The following RBBP8NL variants were observed in gnomAD, a reference collection of about 807,000 sequenced individuals.
RBBP8NL encodes the protein RBBP8 N-terminal like.
In RBBP8NL, 59 loss-of-function variants were observed where a neutral mutation model predicts 62.2. The ratio of observed to expected loss-of-function variants is 0.95; its 90% confidence interval spans 0.77 to 1.18. The LOEUF (loss-of-function observed/expected upper bound fraction) is 1.18. Among genes scored for constraint, RBBP8NL ranks in the 50% most tolerant of loss-of-function variants. The probability of loss-of-function intolerance (pLI) is 0.00; values close to 1 mark genes in which losing one functional copy is unlikely to be tolerated. For missense variants in RBBP8NL, 896 were observed against 899.5 expected (o/e 1.00, Z 0.05); for synonymous variants, 412 against 394.1 (o/e 1.05, Z -0.54).
chr20:62,421,769 G>A (rs959551380), intron 1 of RBBP8NL, among the ~76,000 whole-genome samples: 10 of 147,628 alleles, frequency 6.8e-5, no homozygotes, highest in South Asian at 2.2e-4. Flanking sequence ...GCTAGTGTGC[G>A]GGTGTGTGCC....
At position 62,415,782 on chromosome 20, in the gene RBBP8NL, C is replaced by G; in HGVS notation, c.544+6G>C. On this transcript the variant is annotated splice_donor_region_variant and intron_variant, in intron 7 of 13. Transcript: ENST00000252998. The stretch of plus-strand genomic sequence containing the variant: ...GCCTCCCAGCCTCACCCGGTCCCCA[C>G]AGCACCTTCTCCCCGTAGGCCCACG... 6.2e-7 allele frequency: 1 copy of G among 1,611,848 alleles called. No homozygotes were observed. Among genetic ancestry groups the G allele is most frequent in the East Asian group, 2.2e-5 (1 of 44,874 alleles).
At position 62,415,277 on chromosome 20, in the gene RBBP8NL, C is replaced by A. The variant is rs770795292; in HGVS notation, c.638G>T (p.Arg213Leu). The change falls in exon 9 of 14, where the codon CGC becomes CTC. Residue 213 changes from arginine (R) to leucine (L), a missense_variant. Physicochemically the swap from Arg to Leu is moderately radical, Grantham distance 102. Transcript: ENST00000252998. ...GGTCCCGTGCAGCTGGTTGGAGATG[C>A]GCTGGGGGCTCTGTGAGGATGGGTG... is the stretch of plus-strand genomic sequence containing the variant. ...ESRAPDMSPQ[R>L]ISNQLHGTIA... is the part of the protein sequence containing the mutation. 5.1e-6 allele frequency: 8 copies of A among 1,571,204 alleles called. No homozygotes were observed. Among genetic ancestry groups the A allele is most frequent in the Non-Finnish European group, 6.0e-6 (7 of 1,166,134 alleles).
At chr20:62,423,471 C>T (rs1349452242) in intron 1 of RBBP8NL, among the ~76,000 whole-genome samples, 2 of 152,202 alleles carry the variant, frequency 1.3e-5, no homozygotes, top group Non-Finnish European at 2.9e-5. Context: ...CTGAGGAGGG[C>T]CAGGAGGGGG....
chr20:62,410,922 C>A lies in RBBP8NL; in HGVS notation c.1951G>T (p.Asp651Tyr). 1 of 1,613,550 alleles carries A rather than the reference C, an allele frequency of 6.2e-7. No homozygotes were observed. The highest frequency in any genetic ancestry group is 8.5e-7 in the Non-Finnish European group (1 of 1,179,888). ...CTGCTGTTGGGGGAGGGACTGTGGT[C>A]CTCGGCGTCCCTTGGGCTCCCGGGC... Reference protein sequence around the residue: ...EGPGSPRDAEDHSPSPNSSPW... With the variant: ...EGPGSPRDAEYHSPSPNSSPW... The change falls in exon 14 of 14, where the codon GAC (aspartate) becomes TAC (tyrosine). Residue 651 changes from aspartate to tyrosine, a missense_variant. Coordinates refer to ENST00000252998, the MANE Select transcript of RBBP8NL (RefSeq NM_080833.3).
chr20:62,426,971 G>A (rs934997120), intron 1 of RBBP8NL, among the ~76,000 whole-genome samples: 3 of 152,222 alleles, frequency 2.0e-5, no homozygotes, highest in African/African-American at 7.2e-5. Flanking sequence ...GTTGAGCAAG[G>A]CCCGCCTTTG....
At chr20:62,418,617 C>A (rs1988633519) in intron 2 of RBBP8NL, 152 bp from the exon 3 acceptor site, 1 of 792,260 alleles carries the variant, frequency 1.3e-6, no homozygotes, top group East Asian at 2.7e-5. Flanking sequence ...CTGTCTGTGC[C>A]CAGGCACGGG....
intron 5 of RBBP8NL, 40 bp downstream of exon 5, chr20:62,416,720 C>T (rs1297969837): frequency 1.4e-5 from 20 of 1,444,646 alleles, no homozygotes; most frequent in Admixed American, 9.7e-5. Context: ...CGCCTGGCCC[C>T]GTGGGAGAGG....
rs751531537 is a variant in RBBP8NL, at chr20:62,411,015, G to A, written c.1877-19C>T. 4 of 1,531,924 alleles carry A rather than the reference G, an allele frequency of 2.6e-6. No individual in the cohort carries two copies. The highest frequency in any genetic ancestry group is 1.1e-5 in the South Asian group (1 of 89,214). The allele number at this position is 1,531,924 out of a possible 1,614,324, so 94.9% of individuals were successfully genotyped here. A position where few individuals can be genotyped will look rare whatever the true frequency, so the allele number is the denominator to read the frequency against. On this transcript the variant is annotated intron_variant, in intron 13 of 13. Transcript: ENST00000252998. ...TTGGAGGCTATGGGAAGTGGCCGGA[G>A]GTCAGGCCGGAGCTGTGTGCCTTCC...
At chr20:62,412,561 G>C (rs1273462425) in intron 13 of RBBP8NL, 63 bp downstream of exon 13, 9 of 1,572,014 alleles carry the variant, frequency 5.7e-6, no homozygotes, top group Non-Finnish European at 7.7e-6. Context: ...GTGGCACTGG[G>C]GAGAGGTGGG....
rs151053015 is a variant in RBBP8NL at position 62,410,929 on chromosome 20, G to A, written c.1944C>T (p.Asp648=). 1.5e-5 allele frequency: 25 copies of A among 1,613,498 alleles called. No homozygotes were observed. Among genetic ancestry groups the A allele is most frequent in the South Asian group, 7.7e-5 (7 of 91,090 alleles). The part of the protein sequence containing the change: ...TATEGPGSPR[D]AEDHSPSPNS... ...TGGGGGAGGGACTGTGGTCCTCGGC[G>A]TCCCTTGGGCTCCCGGGCCCCTCAG... Residue 648 remains aspartate (D), a synonymous_variant, in exon 14 of 14, where the codon GAC becomes GAT. Transcript: ENST00000252998.
intron 13 of RBBP8NL, 27 bp from the exon 14 acceptor site, chr20:62,411,023 C>G: frequency 6.7e-7 from 1 of 1,494,184 alleles, no homozygotes; most frequent in Middle Eastern, 1.7e-4. Flanking sequence ...GAGGTCAGGC[C>G]GGAGCTGTGT....
At chr20:62,421,986 C>T (rs1438193150) in intron 1 of RBBP8NL, among the ~76,000 whole-genome samples, 1 of 152,204 alleles carries the variant, frequency 6.6e-6, no homozygotes, top group African/African-American at 2.4e-5. Context: ...ACTGTGTCGG[C>T]CTCCTCCCTG....
intron 5 of RBBP8NL, 81 bp from the exon 6 acceptor site, chr20:62,416,317 A>T (rs1988565616): frequency 7.7e-7 from 1 of 1,293,598 alleles, no homozygotes. Flanking sequence ...GCACCAGGGA[A>T]GCCCCTCAGC....
chr20:62,416,916 G>A (rs1470558076), intron 4 of RBBP8NL, 44 bp from the exon 5 acceptor site: 9 of 1,404,540 alleles, frequency 6.4e-6, no homozygotes, highest in Non-Finnish European at 8.8e-6. Context: ...TGGCACGGAA[G>A]CCACAGAGGG....
At chr20:62,421,837 G>A (rs1429007566) in intron 1 of RBBP8NL, among the ~76,000 whole-genome samples, 1 of 151,496 alleles carries the variant, frequency 6.6e-6, no homozygotes, top group Non-Finnish European at 1.5e-5. Context: ...GCACACCCGA[G>A]CCAGTGTGCA....
At chr20:62,416,668 T>A (rs1479124761) in intron 5 of RBBP8NL, 92 bp downstream of exon 5, 10 of 834,532 alleles carry the variant, frequency 1.2e-5, no homozygotes, top group Non-Finnish European at 1.8e-5. Context: ...TCGTCCTGCC[T>A]CCTTTCCCCA....
chr20:62,425,025 G>A (rs1300080511), intron 1 of RBBP8NL, among the ~76,000 whole-genome samples: 2 of 152,178 alleles, frequency 1.3e-5, no homozygotes, highest in African/African-American at 2.4e-5. Context: ...ACCCATCTCT[G>A]CTCTCTATGC....
intron 8 of RBBP8NL, 41 bp from the exon 9 acceptor site, chr20:62,415,328 G>C: frequency 1.3e-6 from 2 of 1,533,914 alleles, no homozygotes; most frequent in Non-Finnish European, 1.7e-6. Context: ...GGGCATGCGT[G>C]GCCTCTGCTG....
chr20:62,426,356 C>A (rs1309060281), intron 1 of RBBP8NL, among the ~76,000 whole-genome samples: 2 of 152,260 alleles, frequency 1.3e-5, no homozygotes, highest in Non-Finnish European at 2.9e-5. Flanking sequence ...TGCACCTTGA[C>A]CCGCTTCTCC....
Sources: gnomAD v4.1 joint callset for allele counts (sites outside exome capture counted in the v4.1 genomes callset) on GRCh38, gnomAD v4.1.1 for gene constraint, MANE v1.5 for transcripts, NCBI Gene and HGNC (gene_info 2026-07-23, HGNC 2026-07-21) for gene names.